The following SEMA4A variants were observed in gnomAD, a reference collection of about 807,000 sequenced individuals.
SEMA4A encodes the protein semaphorin 4A.
Under a neutral mutation model 72.5 loss-of-function variants are expected in SEMA4A, and 52 were observed. The ratio of observed to expected loss-of-function variants is 0.72; its 90% CI spans 0.57 to 0.90. The LOEUF (loss-of-function observed/expected upper bound fraction) is 0.90, where lower values mean the gene tolerates loss of function less well. Among genes scored for constraint, SEMA4A ranks in the 40% least tolerant of loss-of-function variants. SEMA4A has a pLI of 0.00. For missense variants in SEMA4A, 926 were observed against 959.7 expected, an observed-to-expected ratio of 0.96 and a Z score of 0.46; for synonymous variants, 369 against 393.1, an observed-to-expected ratio of 0.94 and a Z score of 0.73.
Position 156,161,501 on chromosome 1 carries a change from A to G in SEMA4A, c.966A>G (p.Ala322=). ...CTCCCACAGCTCCCCACATCTACGC[A>G]GTCTTCACCTCCCAGTGGTGAGCAG... The part of the protein sequence containing the change: ...ADSPTAPHIY[A]VFTSQWQVGG... The change falls in exon 9 of 15, where the codon GCA becomes GCG. Residue 322 remains alanine, a synonymous_variant. Transcript: ENST00000368285. 1.9e-6 allele frequency: 3 copies of G among 1,613,950 alleles called. No homozygotes were observed. Among genetic ancestry groups the G allele is most frequent in the Non-Finnish European group, 2.5e-6 (3 of 1,179,954 alleles).
At chr1:156,160,364 C>T (rs1219710436) in intron 6 of SEMA4A, 79 bp from the exon 7 acceptor site, 4 of 1,118,262 alleles carry the variant, frequency 3.6e-6, no homozygotes, top group Non-Finnish European at 5.5e-6. Context: ...GGATGCCAGC[C>T]CCAGTCAGAG....
intron 1 of SEMA4A, among the ~76,000 whole-genome samples, 162 bp downstream of exon 1, chr1:156,153,926 A>G (rs867911298): frequency 7.9e-5 from 12 of 152,042 alleles, no homozygotes; most frequent in African/African-American, 2.2e-4. Flanking sequence ...CTGATAACCA[A>G]CCTGGTGGGA....
At chr1:156,163,780 T>C (rs1572405148) in intron 10 of SEMA4A, among the ~76,000 whole-genome samples, 1 of 144,326 alleles carries the variant, frequency 6.9e-6, no homozygotes, top group African/African-American at 2.6e-5. Context: ...CTCATGCCTG[T>C]AATCCCAGCC....
At chr1:156,158,024 G>C (rs754392914) in intron 3 of SEMA4A, 46 bp from the exon 4 acceptor site, 13 of 1,595,632 alleles carry the variant, frequency 8.1e-6, no homozygotes, top group African/African-American at 1.3e-5. Context: ...CTAGAACTGA[G>C]GACCTTATTT....
chr1:156,161,449 G>T lies in SEMA4A; in HGVS notation c.914G>T (p.Arg305Leu), dbSNP rs776179398. Reference protein sequence around the residue: ...QPGQLPFNVIRHAVLLPADSP... With the variant: ...QPGQLPFNVILHAVLLPADSP... ...GGGCAGCTGCCCTTCAACGTCATCCGCCACGCGGTCCTGCTCCCCGCCGAT... is the reference window on the plus strand; with the variant it reads ...GGGCAGCTGCCCTTCAACGTCATCCTCCACGCGGTCCTGCTCCCCGCCGAT... Residue 305 changes from arginine to leucine, a missense_variant, in exon 9 of 15, where the codon CGC becomes CTC. Physicochemically the swap from Arg to Leu is moderately radical, Grantham distance 102. Transcript: ENST00000368285. 6.2e-7 allele frequency: 1 copy of T among 1,613,886 alleles called. No individual in the cohort carries two copies. The highest frequency in any genetic ancestry group is 1.1e-5 in the South Asian group (1 of 91,014).
chr1:156,160,483 C>T lies in SEMA4A; in HGVS notation c.609C>T (p.Gly203=). The T allele has an allele frequency of 6.2e-7, 1 of 1,614,074 alleles. No homozygotes were observed. The highest frequency in any genetic ancestry group is 8.5e-7 in the Non-Finnish European group (1 of 1,180,002). ...LYSGTMNNFL[G]SEPILMRTLG... is the part of the protein sequence containing the mutation. ...CTGGTACTATGAACAACTTCCTGGG[C>T]AGTGAGCCCATCCTGATGCGCACAC... Residue 203 remains glycine, a synonymous_variant, in exon 7 of 15, where the codon GGC becomes GGT. Transcript: ENST00000368285.
upstream of SEMA4A, among the ~76,000 whole-genome samples, chr1:156,151,168 T>C (rs1261589251): frequency 6.6e-6 from 1 of 152,196 alleles, no homozygotes; most frequent in Non-Finnish European, 1.5e-5. Flanking sequence ...TGGGGCCCAG[T>C]GCAAAATAAA....
intron 10 of SEMA4A, among the ~76,000 whole-genome samples, chr1:156,165,228 A>G (rs984014615): frequency 1.3e-5 from 2 of 152,104 alleles, no homozygotes; most frequent in Non-Finnish European, 2.9e-5. Context: ...TCCAGTCTAG[A>G]CTAGTGCCGT....
In SEMA4A at chr1:156,156,433, T is replaced by C. The variant is rs775387881; in HGVS notation, c.159T>C (p.Leu53=). Residue 53 remains leucine, a synonymous_variant, in exon 3 of 15, where the codon CTT becomes CTC. Coordinates refer to ENST00000368285, the MANE Select transcript of SEMA4A (RefSeq NM_022367.4). ...RYYAGDERRA[L]SFFHQKGLQD... ...CAACAGGGGATGAACGTAGGGCACT[T>C]AGCTTCTTCCACCAGAAGGGCCTCC... is the stretch of plus-strand genomic sequence containing the variant. 53 of 1,613,964 alleles carry C rather than the reference T, an allele frequency of 3.3e-5. 1 individual carries two copies. In the South Asian group the frequency reaches 5.7e-4, roughly 17 times the overall value.
chr1:156,176,670 G>A lies in SEMA4A; in HGVS notation c.1959G>A (p.Leu653=). 1 of 1,614,208 alleles carries A rather than the reference G, an allele frequency of 6.2e-7. No individual in the cohort carries two copies. The highest frequency in any genetic ancestry group is 8.5e-7 in the Non-Finnish European group (1 of 1,180,032). ...QDQTLALDPE[L]AGIPREHVKV... Reference sequence around the variant, plus strand: ...AGACCCTGGCCCTGGATCCTGAACTGGCAGGCATCCCCCGGGAGCATGTGA... The same window carrying A: ...AGACCCTGGCCCTGGATCCTGAACTAGCAGGCATCCCCCGGGAGCATGTGA... Residue 653 remains leucine (L), a synonymous_variant, in exon 15 of 15, where the codon CTG becomes CTA. Transcript: ENST00000368285.
chr1:156,171,389 G>A (rs1023908542), intron 10 of SEMA4A, among the ~76,000 whole-genome samples: 2 of 152,162 alleles, frequency 1.3e-5, no homozygotes, highest in Non-Finnish European at 2.9e-5. Context: ...GCTCAGAATG[G>A]AGAAGGGATT....
chr1:156,172,912 G>T lies in SEMA4A; in HGVS notation c.1221G>T (p.Leu407=), dbSNP rs552696817. ...ATGAGCAAGTGGTGGGGACGCCCCT[G>T]CTGGTGAAATCTGGCGTGGAGTATA... The part of the protein sequence containing the change: ...LMDEQVVGTP[L]LVKSGVEYTR... Residue 407 remains leucine (L), a synonymous_variant, in exon 11 of 15, where the codon CTG becomes CTT. Coordinates refer to ENST00000368285, the MANE Select transcript of SEMA4A (RefSeq NM_022367.4). The T allele has an allele frequency of 1.2e-6, 2 of 1,614,184 alleles. No individual in the cohort carries two copies. The highest frequency in any genetic ancestry group is 2.2e-5 in the South Asian group (2 of 91,068).
intron 10 of SEMA4A, among the ~76,000 whole-genome samples, chr1:156,169,110 C>T (rs1320718165): frequency 6.6e-6 from 1 of 152,174 alleles, no homozygotes; most frequent in Non-Finnish European, 1.5e-5. Flanking sequence ...TTGGAGAGTA[C>T]CTGCCTGTTT....
At chr1:156,170,880 C>T (rs1202854783) in intron 10 of SEMA4A, among the ~76,000 whole-genome samples, 4 of 151,764 alleles carry the variant, frequency 2.6e-5, no homozygotes, top group African/African-American at 9.7e-5. Flanking sequence ...AAGATCATGC[C>T]ACTGCACTCC....
Position 156,161,517 on chromosome 1 carries a change from T to C in SEMA4A, c.982T>C (p.Trp328Arg). Residue 328 changes from tryptophan to arginine, a missense_variant and splice_region_variant, in exon 9 of 15, where the codon TGG (tryptophan) becomes CGG (arginine). Transcript: ENST00000368285. ...CATCTACGCAGTCTTCACCTCCCAG[T>C]GGTGAGCAGCAGGGCTGGACCATGG... The part of the protein sequence containing the change: ...PHIYAVFTSQ[W>R]QVGGTRSSAV... The C allele has an allele frequency of 6.2e-7, 1 of 1,613,828 alleles. No individual in the cohort carries two copies. The highest frequency in any genetic ancestry group is 8.5e-7 in the Non-Finnish European group (1 of 1,179,920).
intron 2 of SEMA4A, 94 bp from the exon 3 acceptor site, chr1:156,156,320 C>T (rs994542964): frequency 1.0e-5 from 13 of 1,248,746 alleles, no homozygotes; most frequent in South Asian, 2.4e-5. Flanking sequence ...GGAGCACACT[C>T]AGGCAACCCT....
In SEMA4A at chr1:156,156,148, A is replaced by G. The variant is rs1652997943; in HGVS notation, c.140-266A>G. On this transcript the variant is annotated intron_variant, in intron 2 of 14. Transcript: ENST00000368285. Reference sequence around the variant, plus strand: ...GTAGCCCTCCCTGTCCCAGGCCTGGAAGAGCATCCACTGTGCCTCACTTTA... The same window carrying G: ...GTAGCCCTCCCTGTCCCAGGCCTGGGAGAGCATCCACTGTGCCTCACTTTA... 8.7e-6 allele frequency: 4 copies of G among 459,822 alleles called. No homozygotes were observed. In the Admixed American group the frequency reaches 1.3e-4, roughly 14 times the overall value. 28.5% of individuals were successfully genotyped at this position (459,822 alleles called of 1,614,324 possible).
At chr1:156,154,742 T>C (rs765429735) in intron 2 of SEMA4A, 25 bp downstream of exon 2, 11 of 1,568,584 alleles carry the variant, frequency 7.0e-6, no homozygotes, top group Admixed American at 1.9e-5. Context: ...GCAGGAAGTG[T>C]GGGGATAGCA....
upstream of SEMA4A, among the ~76,000 whole-genome samples, chr1:156,151,387 G>T (rs1389199587): frequency 1.3e-5 from 2 of 152,220 alleles, no homozygotes; most frequent in African/African-American, 4.8e-5. Context: ...TGGTGTGAGG[G>T]GTGCACTGCT....
Sources: gnomAD v4.1 joint callset for allele counts (sites outside exome capture counted in the v4.1 genomes callset) on GRCh38, gnomAD v4.1.1 for gene constraint, MANE v1.5 for transcripts, NCBI Gene and HGNC (gene_info 2026-07-23, HGNC 2026-07-21) for gene names.